The following CHD7 variants were observed in gnomAD, a reference collection of about 807,000 sequenced individuals.
CHD7 encodes chromodomain helicase DNA binding protein 7, also known as ATP-dependent chromatin remodeler CHD7.
In CHD7, 24 loss-of-function variants were observed where a neutral mutation model predicts 307.3. The observed-to-expected ratio is 0.08, with a 90% CI of 0.06 to 0.11. The LOEUF (loss-of-function observed/expected upper bound fraction) is 0.11, where lower values mean the gene tolerates loss of function less well. Ranked by LOEUF, CHD7 falls within the 10% of genes least tolerant of loss-of-function variation. The pLI, the probability that CHD7 is intolerant of heterozygous loss-of-function variation, is 1.00. For missense variants in CHD7, 3,106 were observed against 3,727.1 expected (o/e 0.83, Z 4.34); for synonymous variants, 1,363 against 1,349.9 (o/e 1.01, Z -0.21).
chr8:60,813,966 A>G (rs1420789974), intron 7 of CHD7, among the ~76,000 whole-genome samples: 1 of 152,156 alleles, frequency 6.6e-6, no homozygotes, highest in Non-Finnish European at 1.5e-5. Flanking sequence ...TTTTTAAATG[A>G]AATTTTGTTT....
intron 1 of CHD7, among the ~76,000 whole-genome samples, chr8:60,701,108 C>T (rs533531765): frequency 1.6e-4 from 25 of 152,340 alleles, no homozygotes; most frequent in Non-Finnish European, 3.2e-4. Context: ...ATCTGACCAA[C>T]TCAGCAGACT....
chr8:60,780,134 G>A (rs529634442), intron 2 of CHD7, among the ~76,000 whole-genome samples: 1 of 152,298 alleles, frequency 6.6e-6, no homozygotes, highest in South Asian at 2.1e-4. Context: ...CCCTGCTCTG[G>A]TTTGGATGGT....
At chr8:60,845,139 G>C in intron 22 of CHD7, 76 bp downstream of exon 22, 1 of 1,584,634 alleles carries the variant, frequency 6.3e-7, no homozygotes. Context: ...TGTTGATAAA[G>C]AGATGTGACA....
chr8:60,822,013 A>G lies in CHD7; in HGVS notation c.2836-11A>G. 6.2e-7 allele frequency: 1 copy of G among 1,613,796 alleles called. No individual in the cohort carries two copies. The highest frequency in any genetic ancestry group is 1.3e-5 in the African/African-American group (1 of 75,032). ...GGAAACCACTAATGGGATTTACTAT[A>G]TTTGAAACAGGAGCGACCTCCTGCT... is the stretch of plus-strand genomic sequence containing the variant. On this transcript the variant is annotated splice_polypyrimidine_tract_variant and intron_variant, in intron 10 of 37. Coordinates refer to ENST00000423902, the MANE Select transcript of CHD7 (RefSeq NM_017780.4).
At chr8:60,850,653 C>T in intron 26 of CHD7, 31 bp downstream of exon 26, 3 of 1,584,836 alleles carry the variant, frequency 1.9e-6, no homozygotes, top group Non-Finnish European at 2.6e-6. Context: ...TTTGAATAAA[C>T]TTTATGTCAG....
rs190233757 is a variant in CHD7 at position 60,755,326 on chromosome 8, T to C, written c.1665+12229T>C. On this transcript the variant is annotated intron_variant, in intron 2 of 37. Coordinates refer to ENST00000423902, the MANE Select transcript of CHD7 (RefSeq NM_017780.4). ...ACAGTTTTTATCCATAAAAAACATT[T>C]ATGGGCAGCACTGTAACACCATTGC... Among the ~76,000 whole-genome samples the C allele has an allele frequency of 2.2e-3, 335 of 152,302 alleles. 2 individuals are homozygous for C. Among genetic ancestry groups the C allele is most frequent in the Middle Eastern group, 0.014 (4 of 294 alleles).
rs764758566 is a variant in CHD7 at position 60,865,602 on chromosome 8, T to A, written c.8663T>A (p.Leu2888Gln). ...TAPAGLPSNP[L>Q]AFNPFLLSTM... is the part of the protein sequence containing the mutation. Reference sequence around the variant, plus strand: ...CCGGCTGGATTGCCCTCAAACCCGCTAGCCTTCAACCCTTTCCTCCTGTCC... The same window carrying A: ...CCGGCTGGATTGCCCTCAAACCCGCAAGCCTTCAACCCTTTCCTCCTGTCC... Residue 2888 changes from leucine to glutamine, a missense_variant, in exon 38 of 38, where the codon CTA becomes CAA. Around this residue, in one of 10 missense-constraint regions of CHD7, gnomAD observed 351 missense variants for 366.2 expected, o/e 0.96. Coordinates refer to ENST00000423902, the MANE Select transcript of CHD7 (RefSeq NM_017780.4). This position sits in a 1 kb window ranked among gnomAD's most constrained non-coding sequence, Gnocchi z 4.3. 1 of 1,613,972 alleles carries A rather than the reference T, an allele frequency of 6.2e-7. No individual in the cohort carries two copies. The highest frequency in any genetic ancestry group is 1.1e-5 in the South Asian group (1 of 91,090).
At chr8:60,825,966 C>T (rs1804238178) in intron 13 of CHD7, among the ~76,000 whole-genome samples, 1 of 152,036 alleles carries the variant, frequency 6.6e-6, no homozygotes, top group Non-Finnish European at 1.5e-5. Flanking sequence ...TTAGGTATTT[C>T]TCCTAATGCT....
rs1804065167 is a variant in CHD7, at chr8:60,822,018, A to G, written c.2836-6A>G. The G allele has an allele frequency of 6.2e-7, 1 of 1,613,828 alleles. No homozygotes were observed. Among genetic ancestry groups the G allele is most frequent in the Non-Finnish European group, 8.5e-7 (1 of 1,179,798 alleles). On this transcript the variant is annotated splice_region_variant and splice_polypyrimidine_tract_variant and intron_variant, in intron 10 of 37. Transcript: ENST00000423902. ...CCACTAATGGGATTTACTATATTTG[A>G]AACAGGAGCGACCTCCTGCTGATGA...
intron 21 of CHD7, 44 bp downstream of exon 21, chr8:60,842,096 T>A: frequency 6.8e-7 from 1 of 1,480,560 alleles, no homozygotes; most frequent in Non-Finnish European, 9.3e-7. Context: ...ATTGTAACAG[T>A]AGTTAGAATT....
intron 35 of CHD7, 70 bp from the exon 36 acceptor site, chr8:60,862,126 C>A: frequency 8.2e-7 from 1 of 1,221,262 alleles, no homozygotes; most frequent in African/African-American, 1.5e-5. Flanking sequence ...TGACAGTTCT[C>A]TTTGGCATTT....
rs1051886294 is a variant in CHD7 at position 60,784,126 on chromosome 8, A to G, written c.2096+2696A>G. Among the ~76,000 whole-genome samples the G allele has an allele frequency of 5.3e-5, 8 of 152,238 alleles. No homozygotes were observed. The East Asian group carries it at 1.5e-3, about 29-fold the overall frequency. On this transcript the variant is annotated intron_variant, in intron 3 of 37. Coordinates refer to ENST00000423902, the MANE Select transcript of CHD7 (RefSeq NM_017780.4). ...ACTACATGTAAATTCTGAATAGCAT[A>G]GTAGAATAATTATGTAAATTGAATA... is the stretch of plus-strand genomic sequence containing the variant.
chr8:60,723,996 C>T (rs1008812908), intron 1 of CHD7, among the ~76,000 whole-genome samples: 1 of 152,218 alleles, frequency 6.6e-6, no homozygotes. Flanking sequence ...CACTGACTGG[C>T]TGGGTGGCCT....
chr8:60,680,870 T>C lies in CHD7; in HGVS notation c.-175+1788T>C, dbSNP rs564305398. On this transcript the variant is annotated intron_variant, in intron 1 of 37. Coordinates refer to ENST00000423902, the MANE Select transcript of CHD7 (RefSeq NM_017780.4). Reference sequence around the variant, plus strand: ...TATCTAGCAATCGATTTAAATAACTTATCTTAAAAAGTGTCCCTTTTGGGG... The same window carrying C: ...TATCTAGCAATCGATTTAAATAACTCATCTTAAAAAGTGTCCCTTTTGGGG... 3.9e-5 allele frequency among the ~76,000 whole-genome samples: 6 copies of C among 152,332 alleles called. No individual in the cohort carries two copies. In the South Asian group the frequency reaches 1.2e-3, roughly 32 times the overall value.
At chr8:60,864,525 C>T (rs1366984447) in intron 37 of CHD7, 5 of 166,842 alleles carry the variant, frequency 3.0e-5, no homozygotes, top group Non-Finnish European at 6.6e-5. Flanking sequence ...ATATTTTGTA[C>T]AAGCACACAG....
intron 4 of CHD7, among the ~76,000 whole-genome samples, chr8:60,798,582 T>C (rs117026838): frequency 0.019 from 2,931 of 152,288 alleles, 33 homozygotes; most frequent in Non-Finnish European, 0.027. Flanking sequence ...TGAGAAATGG[T>C]AGTGCCTGTC....
rs772252115 is a variant in CHD7 at position 60,781,120 on chromosome 8, C to G, written c.1786C>G (p.Gln596Glu). ...YLPSIEQQPQ[Q>E]KKKKKKNNHI... is the part of the protein sequence containing the mutation. ...GCCATCAATAGAACAGCAGCCACAA[C>G]AAAAGAAGAAGAAAAAGAAAAACAA... The change falls in exon 3 of 38, where the codon CAA (glutamine) becomes GAA (glutamate). Residue 596 changes from glutamine to glutamate, a missense_variant. Coordinates refer to ENST00000423902, the MANE Select transcript of CHD7 (RefSeq NM_017780.4). 1 of 1,610,388 alleles carries G rather than the reference C, an allele frequency of 6.2e-7. No individual in the cohort carries two copies. Among genetic ancestry groups the G allele is most frequent in the South Asian group, 1.1e-5 (1 of 90,222 alleles).
At chr8:60,744,437 T>TTA (rs933159450) in intron 2 of CHD7, among the ~76,000 whole-genome samples, 2 of 147,382 alleles carry the variant, frequency 1.4e-5, no homozygotes, top group African/African-American at 2.5e-5. Context: ...GTAAAAGGGT[T>TTA]TAGTCAGTAA....
chr8:60,679,811 AGT>A (rs1220589172), intron 1 of CHD7: 7 of 149,052 alleles, frequency 4.7e-5, no homozygotes, highest in African/African-American at 1.7e-4. Context: ...CGGCGGGGAA[AGT>A]GCGCGGGGCG....
Sources: gnomAD v4.1 joint callset for allele counts (sites outside exome capture counted in the v4.1 genomes callset) on GRCh38, gnomAD v4.1.1 for gene constraint, gnomAD v4.1.1 regional missense constraint, Gnocchi (gnomAD v3.1) non-coding constraint, MANE v1.5 for transcripts, NCBI Gene and HGNC (gene_info 2026-07-23, HGNC 2026-07-21) for gene names.